Variants in NRG3 observed in about 807,000 individuals in gnomAD.
NRG3 encodes the protein pro-neuregulin-3, membrane-bound isoform.
NRG3 carries 31 observed loss-of-function variants against 66.9 expected under a neutral mutation model. The ratio of observed to expected loss-of-function variants is 0.46; its 90% CI spans 0.35 to 0.63. The LOEUF is 0.63. NRG3 is among the 20% of genes least tolerant of loss of function. The probability of loss-of-function intolerance (pLI) is 0.00; values close to 1 mark genes in which losing one functional copy is unlikely to be tolerated. For synonymous variants in NRG3, 393 were observed against 359.4 expected (o/e 1.09, Z -1.06); for missense variants, 910 against 878.9 (o/e 1.04, Z -0.45).
intron 2 of NRG3, among the ~76,000 whole-genome samples, chr10:82,703,442 T>C (rs2134312593): frequency 6.6e-6 from 1 of 152,078 alleles, no homozygotes; most frequent in East Asian, 1.9e-4. Context: ...CAAATCACTG[T>C]TGGGGGAACA....
intron 3 of NRG3, among the ~76,000 whole-genome samples, chr10:82,751,327 G>C (rs146580736): frequency 6.6e-6 from 1 of 152,020 alleles, no homozygotes; most frequent in Admixed American, 6.6e-5. Flanking sequence ...CCATGAGAAG[G>C]TTATCAAATT....
At chr10:82,313,839 G>T (rs1263757463) in intron 1 of NRG3, among the ~76,000 whole-genome samples, 4 of 152,184 alleles carry the variant, frequency 2.6e-5, no homozygotes, top group African/African-American at 4.8e-5. Context: ...AATGAGCAGT[G>T]CTAAGTCTTG....
At chr10:82,630,294 C>T (rs1408011160) in intron 2 of NRG3, among the ~76,000 whole-genome samples, 2 of 148,254 alleles carry the variant, frequency 1.3e-5, no homozygotes, top group Admixed American at 1.4e-4. Context: ...AAAATCTTTT[C>T]AAGATAGGGT....
intron 1 of NRG3, among the ~76,000 whole-genome samples, chr10:82,309,409 A>G (rs1213244945): frequency 1.3e-5 from 2 of 152,098 alleles, no homozygotes; most frequent in African/African-American, 2.4e-5. Flanking sequence ...AGTATTTTGA[A>G]GTCTCCTAGT....
At chr10:81,937,283 A>G (rs1847963336) in intron 1 of NRG3, among the ~76,000 whole-genome samples, 1 of 152,104 alleles carries the variant, frequency 6.6e-6, no homozygotes, top group Non-Finnish European at 1.5e-5. Flanking sequence ...GTTCTTTTGA[A>G]TATATACTCA....
intron 1 of NRG3, among the ~76,000 whole-genome samples, chr10:81,975,449 A>T (rs1320603727): frequency 1.3e-5 from 2 of 152,020 alleles, no homozygotes; most frequent in African/African-American, 4.8e-5. Context: ...GTTTTCCCAG[A>T]ATTATATCCT....
intron 2 of NRG3, among the ~76,000 whole-genome samples, chr10:82,735,260 T>C (rs2058097985): frequency 6.6e-6 from 1 of 152,222 alleles, no homozygotes; most frequent in Non-Finnish European, 1.5e-5. Context: ...ACTTTGGCTG[T>C]GCTTCCTCTC....
intron 1 of NRG3, among the ~76,000 whole-genome samples, chr10:82,001,790 A>T (rs2061178425): frequency 6.6e-6 from 1 of 152,212 alleles, no homozygotes; most frequent in South Asian, 2.1e-4. Context: ...CTGAAATATT[A>T]AGTTGAGCAA....
At chr10:82,459,483 C>T (rs969281901) in intron 2 of NRG3, among the ~76,000 whole-genome samples, 17 of 152,192 alleles carry the variant, frequency 1.1e-4, no homozygotes, top group African/African-American at 3.4e-4. Flanking sequence ...AAGGAGGATG[C>T]AATAGTGAGC....
chr10:82,500,411 A>G (rs1479461321), intron 2 of NRG3, among the ~76,000 whole-genome samples: 2 of 152,054 alleles, frequency 1.3e-5, no homozygotes, highest in Non-Finnish European at 2.9e-5. Context: ...ACCCAAACCT[A>G]TCTCTTTAAT....
At chr10:82,197,049 G>GT in intron 1 of NRG3, among the ~76,000 whole-genome samples, 1 of 152,254 alleles carries the variant, frequency 6.6e-6, no homozygotes, top group East Asian at 1.9e-4. Context: ...CATGTTAAGC[G>GT]TTTAAGAAAA....
At chr10:82,883,389 G>C (rs1427630280) in intron 4 of NRG3, among the ~76,000 whole-genome samples, 1 of 152,090 alleles carries the variant, frequency 6.6e-6, no homozygotes, top group Non-Finnish European at 1.5e-5. Flanking sequence ...GTTGAAATCT[G>C]TCTGTCTGTA....
intron 2 of NRG3, among the ~76,000 whole-genome samples, chr10:82,689,894 G>C (rs2054791481): frequency 1.3e-5 from 2 of 151,980 alleles, no homozygotes; most frequent in African/African-American, 4.8e-5. Flanking sequence ...TTTCATTCTT[G>C]CTTGGGGAAA....
intron 1 of NRG3, among the ~76,000 whole-genome samples, chr10:82,113,843 A>G (rs1210864821): frequency 1.3e-5 from 2 of 152,208 alleles, no homozygotes; most frequent in Non-Finnish European, 2.9e-5. Context: ...TTCTATTTAG[A>G]AAGTCAAATC....
chr10:82,550,147 C>A (rs2044207441), intron 2 of NRG3, among the ~76,000 whole-genome samples: 1 of 152,208 alleles, frequency 6.6e-6, no homozygotes, highest in South Asian at 2.1e-4. Context: ...ATAATGCTTG[C>A]CACATAGAAA....
intron 8 of NRG3, chr10:82,984,672 T>G: frequency 4.1e-5 from 45 of 1,102,250 alleles, no homozygotes; most frequent in Non-Finnish European, 5.4e-5. Context: ...AACCCAGGGC[T>G]GAGAGGGTGG....
At chr10:82,716,433 A>G (rs1164292737) in intron 2 of NRG3, among the ~76,000 whole-genome samples, 1 of 152,138 alleles carries the variant, frequency 6.6e-6, no homozygotes, top group Non-Finnish European at 1.5e-5. Flanking sequence ...GGAACCTTAG[A>G]GTGAATATAG....
At position 82,429,168 on chromosome 10, in the gene NRG3, A is replaced by G. The variant is rs189733606; in HGVS notation, c.953+70300A>G. On this transcript the variant is annotated intron_variant, in intron 2 of 8. Transcript: ENST00000372141. ...CATACAAATTCATTTTTTACATTAT[A>G]AGTCAATCAACACAGTTTTATCCTT... Among the ~76,000 whole-genome samples, 95 of 152,138 alleles carry G rather than the reference A, an allele frequency of 6.2e-4. No individual in the cohort carries two copies. The Middle Eastern group carries it at 0.017, about 27-fold the overall frequency.
chr10:82,428,301 C>CT (rs2089577426), intron 2 of NRG3, among the ~76,000 whole-genome samples: 1 of 151,768 alleles, frequency 6.6e-6, no homozygotes, highest in African/African-American at 2.4e-5. Context: ...GATATTTCTT[C>CT]TTTTTTAATA....
Sources: allele counts gnomAD v4.1 joint callset (sites outside exome capture counted in the v4.1 genomes callset), GRCh38; gene constraint gnomAD v4.1.1; transcripts MANE v1.5; gene names NCBI Gene and HGNC (gene_info 2026-07-23, HGNC 2026-07-21).